BANK1: variants seen among roughly 807,000 people sequenced by gnomAD.
BANK1 encodes B cell scaffold protein with ankyrin repeats 1.
A neutral mutation model predicts 94.5 loss-of-function variants in BANK1; 95 were observed. That is an observed-to-expected ratio of 1.00 (90% CI 0.85 to 1.19). The LOEUF (loss-of-function observed/expected upper bound fraction) is 1.19, where lower values mean the gene tolerates loss of function less well. Ranked by LOEUF, BANK1 falls within the 50% of genes most tolerant of loss-of-function variation. BANK1 has a pLI of 0.00. For synonymous variants in BANK1, 334 were observed against 308.4 expected (o/e 1.08, Z -0.87); for missense variants, 987 against 932.2 (o/e 1.06, Z -0.77).
At chr4:101,832,059 G>A (rs1025653486) in intron 2 of BANK1, among the ~76,000 whole-genome samples, 1 of 152,182 alleles carries the variant, frequency 6.6e-6, no homozygotes, top group Admixed American at 6.5e-5. Context: ...CCTGAGGAAG[G>A]TGCCTTGGAA....
At chr4:101,952,984 T>A (rs1478362456) in intron 7 of BANK1, among the ~76,000 whole-genome samples, 1 of 152,086 alleles carries the variant, frequency 6.6e-6, no homozygotes, top group East Asian at 1.9e-4. Flanking sequence ...TGATTAACGA[T>A]CAGTGAGAAG....
At chr4:101,837,684 C>T (rs1726881346) in intron 2 of BANK1, among the ~76,000 whole-genome samples, 1 of 151,994 alleles carries the variant, frequency 6.6e-6, no homozygotes, top group Non-Finnish European at 1.5e-5. Context: ...TTTAAAATAT[C>T]ATGTTTGGTC....
chr4:101,819,477 A>G (rs1726055651), intron 1 of BANK1, among the ~76,000 whole-genome samples: 1 of 152,116 alleles, frequency 6.6e-6, no homozygotes, highest in East Asian at 1.9e-4. Context: ...ATGATATAGA[A>G]CCTTCATAGG....
chr4:101,855,252 T>A, intron 3 of BANK1, 63 bp downstream of exon 3: 1 of 1,505,560 alleles, frequency 6.6e-7, no homozygotes, highest in African/African-American at 1.4e-5. Flanking sequence ...TGGTGGTTGT[T>A]GTTGTTTGGA....
At chr4:101,819,680 T>G (rs528677802) in intron 1 of BANK1, among the ~76,000 whole-genome samples, 201 of 152,290 alleles carry the variant, frequency 1.3e-3, no homozygotes, top group African/African-American at 4.5e-3. Context: ...ACTTCATTAT[T>G]CTCCATCGAC....
At chr4:102,065,766 A>G (rs1330404631) in intron 13 of BANK1, among the ~76,000 whole-genome samples, 1 of 152,090 alleles carries the variant, frequency 6.6e-6, no homozygotes, top group Non-Finnish European at 1.5e-5. Flanking sequence ...AAAGTACAAT[A>G]AAATATATAA....
chr4:102,018,637 G>A (rs1425738916), intron 7 of BANK1, among the ~76,000 whole-genome samples: 1 of 152,106 alleles, frequency 6.6e-6, no homozygotes, highest in African/African-American at 2.4e-5. Context: ...GACTATCTGT[G>A]GGTTGAAATA....
intron 2 of BANK1, among the ~76,000 whole-genome samples, chr4:101,854,524 A>G (rs1483993608): frequency 6.6e-6 from 1 of 152,166 alleles, no homozygotes. Flanking sequence ...GGTAAGTACT[A>G]GTATTTCACT....
At chr4:101,981,807 C>T (rs905283886) in intron 7 of BANK1, 1 of 152,200 alleles carries the variant, frequency 6.6e-6, no homozygotes, top group South Asian at 2.1e-4. Context: ...TATCCATCTA[C>T]TGTCAAAGGA....
chr4:102,063,818 C>CAAAA lies in BANK1; in HGVS notation c.2212+694_2212+697dup, dbSNP rs1205075236. ...TGGGTGACAGAGCAAGACTCTATCT[C>CAAAA]AAAAAAAAAAAAAAAAAGAAATGAA... On this transcript the variant is annotated intron_variant, in intron 13 of 16. Coordinates refer to ENST00000322953, the MANE Select transcript of BANK1 (RefSeq NM_017935.5). 5.9e-4 allele frequency among the ~76,000 whole-genome samples: 42 copies of CAAAA among 71,354 alleles called. No individual in the cohort carries two copies. The South Asian group carries it at 0.011, about 18-fold the overall frequency. 46.8% of individuals were successfully genotyped at this position (71,354 alleles called of 152,430 possible). A position where few individuals can be genotyped will look rare whatever the true frequency, so the allele number is the denominator to read the frequency against.
intron 7 of BANK1, among the ~76,000 whole-genome samples, chr4:101,967,043 T>G (rs1317038655): frequency 1.3e-5 from 2 of 152,112 alleles, no homozygotes; most frequent in Admixed American, 6.6e-5. Context: ...TTAGTCCAAT[T>G]TATTAATCGT....
intron 5 of BANK1, among the ~76,000 whole-genome samples, chr4:101,884,313 C>T (rs1728773186): frequency 6.6e-6 from 1 of 152,150 alleles, no homozygotes. Flanking sequence ...GAGTTTTCAG[C>T]AGCAATTAAC....
At chr4:101,896,108 C>T (rs543620986) in intron 6 of BANK1, among the ~76,000 whole-genome samples, 10 of 151,708 alleles carry the variant, frequency 6.6e-5, no homozygotes, top group Non-Finnish European at 1.2e-4. Flanking sequence ...TAAAAATATA[C>T]AAATATCAAG....
rs150616221 is a variant in BANK1 at position 101,895,403 on chromosome 4, A to G, written c.1002A>G (p.Gln334=). The G allele has an allele frequency of 1.8e-3, 2,778 of 1,543,140 alleles. 3 individuals are homozygous for G. The highest frequency in any genetic ancestry group is 2.0e-3 in the Non-Finnish European group (2,245 of 1,124,130). Residue 334 remains glutamine (Q), a synonymous_variant, in exon 6 of 17, where the codon CAA becomes CAG. Coordinates refer to ENST00000322953, the MANE Select transcript of BANK1 (RefSeq NM_017935.5). ...FQSLQTEICS[Q]NKYTHFKELP... ...CTCTTCAAACTGAAATTTGTTCTCA[A>G]AACAAATGTGAGTATTTTCCAGCTG...
At chr4:101,851,228 G>A (rs1727463480) in intron 2 of BANK1, among the ~76,000 whole-genome samples, 1 of 152,156 alleles carries the variant, frequency 6.6e-6, no homozygotes, top group Non-Finnish European at 1.5e-5. Flanking sequence ...CTTTATTGCT[G>A]ATGTGGAGAA....
In BANK1 at chr4:101,866,196, G is replaced by A. The variant is rs192772356; in HGVS notation, c.763+3532G>A. Among the ~76,000 whole-genome samples, 482 of 152,086 alleles carry A rather than the reference G, an allele frequency of 3.2e-3. 3 individuals carry two copies. Among genetic ancestry groups the A allele is most frequent in the Middle Eastern group, 0.031 (9 of 292 alleles). On this transcript the variant is annotated intron_variant, in intron 4 of 16. Coordinates refer to ENST00000322953, the MANE Select transcript of BANK1 (RefSeq NM_017935.5). The stretch of plus-strand genomic sequence containing the variant: ...GGAAATTCTAGAAATCAAAACCACC[G>A]TATCAAAAATTAAAAAATAACTTTA...
At chr4:102,015,982 C>G (rs978888804) in intron 7 of BANK1, among the ~76,000 whole-genome samples, 14 of 152,170 alleles carry the variant, frequency 9.2e-5, no homozygotes, top group Admixed American at 1.3e-4. Context: ...TATCTTCACA[C>G]TCAAATATAT....
intron 2 of BANK1, among the ~76,000 whole-genome samples, chr4:101,836,291 C>A (rs891349221): frequency 6.6e-6 from 1 of 151,972 alleles, no homozygotes; most frequent in African/African-American, 2.4e-5. Flanking sequence ...ACCAGGCTGG[C>A]CAACATGGTG....
chr4:101,860,377 T>G (rs539245643), intron 3 of BANK1, among the ~76,000 whole-genome samples: 1 of 152,138 alleles, frequency 6.6e-6, no homozygotes, highest in Middle Eastern at 3.2e-3. Context: ...GTCTTTTGCT[T>G]AGAACATTTC....
Sources: allele counts gnomAD v4.1 joint callset (sites outside exome capture counted in the v4.1 genomes callset), GRCh38; gene constraint gnomAD v4.1.1; transcripts MANE v1.5; gene names NCBI Gene and HGNC (gene_info 2026-07-23, HGNC 2026-07-21).